The following RAD23A variants were observed in gnomAD, a reference collection of about 807,000 sequenced individuals.
RAD23A encodes the protein lysine-specific demethylase RAD23A.
Under a neutral mutation model 44.8 loss-of-function variants are expected in RAD23A, and 16 were observed. The ratio of observed to expected loss-of-function variants is 0.36; its 90% CI spans 0.24 to 0.54. The LOEUF (loss-of-function observed/expected upper bound fraction) is 0.54. Among genes scored for constraint, RAD23A ranks in the 20% least tolerant of loss-of-function variants. The pLI is 0.89. For synonymous variants in RAD23A, 217 were observed against 202.9 expected, an observed-to-expected ratio of 1.07 and a Z score of -0.59; for missense variants, 380 against 483.3, an observed-to-expected ratio of 0.79 and a Z score of 2.00.
At chr19:12,949,625 C>A in intron 7 of RAD23A, 1 of 590,398 alleles carries the variant, frequency 1.7e-6, no homozygotes, top group Non-Finnish European at 3.0e-6. Context: ...ACATCACCTC[C>A]CACAGAAGAA....
At position 12,949,094 on chromosome 19, in the gene RAD23A, G is replaced by A. The variant is rs1225395350; in HGVS notation, c.614G>A (p.Ser205Asn). ...VEYLLTGIPG[S>N]PEPEHGSVQE... ...GACCCCTGACAGGGAATTCCTGGGAGCCCCGAGCCGGAACACGGTTCTGTC... is the reference window on the plus strand; with the variant it reads ...GACCCCTGACAGGGAATTCCTGGGAACCCCGAGCCGGAACACGGTTCTGTC... Residue 205 changes from serine (S) to asparagine (N), a missense_variant, in exon 6 of 9, where the codon AGC becomes AAC. Physicochemically the swap from Ser to Asn is conservative, Grantham distance 46. This residue lies in a region of RAD23A where 279 missense variants were observed against 313.7 expected (regional missense o/e 0.89). Coordinates refer to ENST00000586534, the MANE Select transcript of RAD23A (RefSeq NM_005053.4). 2 of 1,612,716 alleles carry A rather than the reference G, an allele frequency of 1.2e-6. No homozygotes were observed. The highest frequency in any genetic ancestry group is 1.1e-5 in the South Asian group (1 of 90,816).
Position 12,947,907 on chromosome 19 carries a change from T to G in RAD23A, c.132T>G (p.Ala44=). 1 of 1,614,062 alleles carries G rather than the reference T, an allele frequency of 6.2e-7. No individual in the cohort carries two copies. The highest frequency in any genetic ancestry group is 8.5e-7 in the Non-Finnish European group (1 of 1,180,006). ...AGGGTCGTGATGCCTTCCCCGTGGC[T>G]GGACAGAAACTCATCTATGCCGGCA... ...AEKGRDAFPV[A]GQKLIYAGKI... The change falls in exon 2 of 9, where the codon GCT becomes GCG. Residue 44 remains alanine (A), a synonymous_variant. Coordinates refer to ENST00000586534, the MANE Select transcript of RAD23A (RefSeq NM_005053.4).
intron 1 of RAD23A, 132 bp downstream of exon 1, chr19:12,946,152 G>C: frequency 1.2e-6 from 1 of 856,126 alleles, no homozygotes; most frequent in Non-Finnish European, 1.7e-6. Flanking sequence ...CCCCCGACCT[G>C]CCCGACTTTC....
chr19:12,948,659 A>T lies in RAD23A; in HGVS notation c.473-27A>T. On this transcript the variant is annotated intron_variant, in intron 4 of 8. Transcript: ENST00000586534. This position sits in a 1 kb window ranked among gnomAD's most constrained non-coding sequence, Gnocchi z 5.5. ...GAGCTGCCCTTTCCTCTTCCTGGTG[A>T]CCTAGGCTTTGCTGCTTCCTCCACA... The T allele has an allele frequency of 6.2e-7, 1 of 1,603,740 alleles. No individual in the cohort carries two copies. Among genetic ancestry groups the T allele is most frequent in the South Asian group, 1.1e-5 (1 of 90,116 alleles).
intron 1 of RAD23A, 133 bp downstream of exon 1, chr19:12,946,153 C>A: frequency 2.4e-6 from 2 of 839,724 alleles, no homozygotes; most frequent in Non-Finnish European, 1.8e-6. Context: ...CCCCGACCTG[C>A]CCGACTTTCC....
chr19:12,946,455 T>C (rs1250627906), intron 1 of RAD23A, among the ~76,000 whole-genome samples: 1 of 152,208 alleles, frequency 6.6e-6, no homozygotes, highest in East Asian at 1.9e-4. Context: ...TTAATGATAA[T>C]AAACGGGTCT....
At chr19:12,949,514 C>A in intron 7 of RAD23A, 106 bp downstream of exon 7, 1 of 1,456,156 alleles carries the variant, frequency 6.9e-7, no homozygotes, top group Non-Finnish European at 9.4e-7. Context: ...GAAAGCAGGA[C>A]TAAGCACATG....
intron 1 of RAD23A, 81 bp from the exon 2 acceptor site, chr19:12,947,751 CCTTTCTGCCATCAGGG>C: frequency 8.0e-7 from 1 of 1,248,986 alleles, no homozygotes; most frequent in South Asian, 1.3e-5. Flanking sequence ...AGCGTGCTTG[CCTTTCTGCCATCAGGG>C]CTGGCAGTTT....
At chr19:12,951,520 C>T (rs148970809) in intron 7 of RAD23A, among the ~76,000 whole-genome samples, 217 of 152,278 alleles carry the variant, frequency 1.4e-3, no homozygotes, top group Non-Finnish European at 2.6e-3. Flanking sequence ...GATCTCAGCT[C>T]ACCGTAACCT....
In RAD23A at chr19:12,952,797, G is replaced by T. The variant is rs2146045800; in HGVS notation, c.922G>T (p.Ala308Ser). The T allele has an allele frequency of 9.3e-6, 15 of 1,604,908 alleles. No homozygotes were observed. Among genetic ancestry groups the T allele is most frequent in the Non-Finnish European group, 1.2e-5 (14 of 1,175,808 alleles). Residue 308 changes from alanine (A) to serine (S), a missense_variant, in exon 8 of 9, where the codon GCC becomes TCC. Transcript: ENST00000586534. ...GGAGGTGGGCGCCATAGGAGAGGAG[G>T]CCCCGCAGATGAACTACATCCAGGT... ...EGEVGAIGEE[A>S]PQMNYIQVTP... is the part of the protein sequence containing the mutation.
chr19:12,949,142 A>G lies in RAD23A; in HGVS notation c.662A>G (p.Gln221Arg). 6.2e-7 allele frequency: 1 copy of G among 1,614,030 alleles called. No homozygotes were observed. The highest frequency in any genetic ancestry group is 8.5e-7 in the Non-Finnish European group (1 of 1,179,938). ...GSVQESQVSEQPATEAAGENP... is the reference protein window; with the variant it reads ...GSVQESQVSERPATEAAGENP... Reference sequence around the variant, plus strand: ...GTCCAGGAGAGCCAGGTATCGGAGCAGCCGGCCACGGAAGCAGGTGGGTGT... The same window carrying G: ...GTCCAGGAGAGCCAGGTATCGGAGCGGCCGGCCACGGAAGCAGGTGGGTGT... The change falls in exon 6 of 9, where the codon CAG (glutamine) becomes CGG (arginine). Residue 221 changes from glutamine to arginine, a missense_variant. By Grantham distance (43) the Gln-to-Arg change is conservative (BLOSUM62 1). Around this residue, in one of 3 missense-constraint regions of RAD23A, gnomAD observed 279 missense variants for 313.7 expected, o/e 0.89. Coordinates refer to ENST00000586534, the MANE Select transcript of RAD23A (RefSeq NM_005053.4).
chr19:12,950,526 C>T (rs927631815), intron 7 of RAD23A, among the ~76,000 whole-genome samples: 6 of 152,058 alleles, frequency 3.9e-5, no homozygotes, highest in African/African-American at 7.2e-5. Flanking sequence ...TGCCCCCGCC[C>T]GAGTAGCTGG....
intron 7 of RAD23A, among the ~76,000 whole-genome samples, chr19:12,951,508 GTGATCTCAGCTCACCGTA>G (rs1333404415): frequency 6.6e-6 from 1 of 150,944 alleles, no homozygotes; most frequent in Non-Finnish European, 1.5e-5. Flanking sequence ...GTGCAGTGGC[GTGATCTCAGCTCACCGTA>G]ACCTCCGCCT....
At position 12,948,334 on chromosome 19, in the gene RAD23A, C is replaced by T. The variant is rs148187629; in HGVS notation, c.392C>T (p.Thr131Met). ...AGCCCATCAGAGGAATCCGCCCCCA[C>T]GACGTCCCCAGAGTCTGTGTCAGGG... Reference protein sequence around the residue: ...DKSPSEESAPTTSPESVSGSV... With the variant: ...DKSPSEESAPMTSPESVSGSV... The change falls in exon 3 of 9, where the codon ACG becomes ATG. Residue 131 changes from threonine (T) to methionine (M), a missense_variant. By Grantham distance (81) the Thr-to-Met change is moderately conservative. Transcript: ENST00000586534. This position sits in a 1 kb window ranked among gnomAD's most constrained non-coding sequence, Gnocchi z 5.5. 6 of 1,598,550 alleles carry T rather than the reference C, an allele frequency of 3.8e-6. No individual in the cohort carries two copies. The highest frequency in any genetic ancestry group is 2.7e-5 in the African/African-American group (2 of 74,526).
intron 7 of RAD23A, among the ~76,000 whole-genome samples, chr19:12,950,559 G>A (rs1272907963): frequency 2.6e-5 from 4 of 151,830 alleles, no homozygotes; most frequent in South Asian, 2.1e-4. Context: ...CCGCCACCAC[G>A]CCTGACTAAT....
chr19:12,948,391 C>T lies in RAD23A; in HGVS notation c.416+33C>T. 1.3e-6 allele frequency: 2 copies of T among 1,555,582 alleles called. No individual in the cohort carries two copies. Among genetic ancestry groups the T allele is most frequent in the Non-Finnish European group, 1.7e-6 (2 of 1,149,614 alleles). ...GGGGGCAGCAGTCCCAGCTTGGGCC[C>T]TGTCCTCCTAGCACATTCCAGCGTC... On this transcript the variant is annotated intron_variant, in intron 3 of 8. Transcript: ENST00000586534. This position sits in a 1 kb window ranked among gnomAD's most constrained non-coding sequence, Gnocchi z 5.5.
intron 7 of RAD23A, among the ~76,000 whole-genome samples, chr19:12,949,823 C>A (rs1971760451): frequency 1.3e-5 from 2 of 151,982 alleles, no homozygotes; most frequent in Admixed American, 1.3e-4. Flanking sequence ...GGCTCTGGGA[C>A]AACTCTGCTC....
rs1599672291 is a variant in RAD23A at position 12,953,332 on chromosome 19, C to A, written c.*283C>A. On this transcript the variant is annotated 3_prime_UTR_variant, in exon 9 of 9. Transcript: ENST00000586534. The stretch of plus-strand genomic sequence containing the variant: ...CAGATGGGCCCCTCTTGGCCTCTGT[C>A]CCAGCTCTCTGCAGCCAGACGGAAA... The A allele has an allele frequency of 7.7e-6, 2 of 258,976 alleles. No homozygotes were observed. Among genetic ancestry groups the A allele is most frequent in the East Asian group, 1.5e-4 (2 of 13,338 alleles). The allele number at this position is 258,976 out of a possible 1,614,324, so 16.0% of individuals were successfully genotyped here.
chr19:12,947,759 C>T, intron 1 of RAD23A, 89 bp from the exon 2 acceptor site: 1 of 1,345,660 alleles, frequency 7.4e-7, no homozygotes, highest in Admixed American at 2.0e-5. Flanking sequence ...TGCCTTTCTG[C>T]CATCAGGGCT....
Sources: gnomAD v4.1 joint callset for allele counts (sites outside exome capture counted in the v4.1 genomes callset) on GRCh38, gnomAD v4.1.1 for gene constraint, gnomAD v4.1.1 regional missense constraint, Gnocchi (gnomAD v3.1) non-coding constraint, MANE v1.5 for transcripts, NCBI Gene and HGNC (gene_info 2026-07-23, HGNC 2026-07-21) for gene names.